The following KCTD8 variants were observed in gnomAD, a reference collection of about 807,000 sequenced individuals.
The protein encoded by KCTD8 is potassium channel tetramerization domain containing 8, also known as BTB/POZ domain-containing protein KCTD8.
KCTD8 carries 27 observed loss-of-function variants against 31.5 expected under a neutral mutation model. The ratio of observed to expected loss-of-function variants is 0.86; its 90% CI spans 0.63 to 1.18. KCTD8 has a LOEUF of 1.18. Among genes scored for constraint, KCTD8 ranks in the 50% most tolerant of loss-of-function variants. The pLI is 0.00. For missense variants in KCTD8, 658 were observed against 647.7 expected (o/e 1.02, Z -0.17); for synonymous variants, 290 against 280.0 (o/e 1.04, Z -0.36).
chr4:44,225,097 G>T lies in KCTD8; in HGVS notation c.962-49847C>A, dbSNP rs541351440. ...AGCATGACTCTTTGACGGGCAGTTA[G>T]TGGTCTCTACCAAACCTTTCATGGC... On this transcript the variant is annotated intron_variant, in intron 1 of 1. Transcript: ENST00000360029. Among the ~76,000 whole-genome samples, 5 of 152,312 alleles carry T rather than the reference G, an allele frequency of 3.3e-5. No individual in the cohort carries two copies. In the South Asian group the frequency reaches 1.0e-3, roughly 32 times the overall value.
intron 1 of KCTD8, among the ~76,000 whole-genome samples, chr4:44,420,438 G>A (rs1180937550): frequency 3.9e-5 from 6 of 152,104 alleles, no homozygotes; most frequent in Admixed American, 3.3e-4. Context: ...TAAAAGGCCA[G>A]ACAAAAAGTA....
At chr4:44,266,828 C>G (rs1477299705) in intron 1 of KCTD8, among the ~76,000 whole-genome samples, 2 of 152,068 alleles carry the variant, frequency 1.3e-5, no homozygotes, top group Non-Finnish European at 2.9e-5. Context: ...GGGATCAATT[C>G]AACAAGAAGA....
chr4:44,398,822 T>C (rs1236734743), intron 1 of KCTD8, among the ~76,000 whole-genome samples: 4 of 152,134 alleles, frequency 2.6e-5, no homozygotes, highest in African/African-American at 7.2e-5. Context: ...GCACTCTATT[T>C]GTGGAGGAAA....
chr4:44,412,818 T>A (rs1720993763), intron 1 of KCTD8, among the ~76,000 whole-genome samples: 1 of 152,196 alleles, frequency 6.6e-6, no homozygotes, highest in Non-Finnish European at 1.5e-5. Context: ...TATTGTCAAT[T>A]AAATTATTCA....
intron 1 of KCTD8, among the ~76,000 whole-genome samples, chr4:44,319,515 C>T (rs1317528925): frequency 1.3e-5 from 2 of 150,618 alleles, no homozygotes; most frequent in Non-Finnish European, 2.9e-5. Context: ...AGAAAAGAAG[C>T]TGGGATTACA....
chr4:44,332,306 G>C (rs1462933767), intron 1 of KCTD8, among the ~76,000 whole-genome samples: 1 of 151,878 alleles, frequency 6.6e-6, no homozygotes, highest in Non-Finnish European at 1.5e-5. Context: ...GACTGGATCT[G>C]CTCTGTTGGA....
intron 1 of KCTD8, among the ~76,000 whole-genome samples, chr4:44,202,263 C>G (rs111410942): frequency 6.6e-6 from 1 of 152,122 alleles, no homozygotes; most frequent in African/African-American, 2.4e-5. Flanking sequence ...ACACAGCTCC[C>G]ATTAAATCTA....
chr4:44,242,603 C>T (rs556949413), intron 1 of KCTD8, among the ~76,000 whole-genome samples: 2 of 148,650 alleles, frequency 1.3e-5, no homozygotes, highest in South Asian at 2.1e-4. Flanking sequence ...AACAAACAAA[C>T]AAAACAAAAA....
At chr4:44,270,985 A>G (rs988566319) in intron 1 of KCTD8, among the ~76,000 whole-genome samples, 1 of 152,070 alleles carries the variant, frequency 6.6e-6, no homozygotes, top group Non-Finnish European at 1.5e-5. Flanking sequence ...GTATCCTACA[A>G]GTTGACTACA....
chr4:44,404,974 A>T (rs1257788732), intron 1 of KCTD8, among the ~76,000 whole-genome samples: 2 of 152,158 alleles, frequency 1.3e-5, no homozygotes, highest in African/African-American at 4.8e-5. Context: ...TCTTTGGACA[A>T]AGCTACTTCA....
intron 1 of KCTD8, among the ~76,000 whole-genome samples, chr4:44,431,396 T>G (rs1721498784): frequency 6.6e-6 from 1 of 151,550 alleles, no homozygotes; most frequent in African/African-American, 2.4e-5. Flanking sequence ...AAGATCTTAC[T>G]TATTTTGTTT....
At chr4:44,313,211 T>C (rs1358682850) in intron 1 of KCTD8, among the ~76,000 whole-genome samples, 4 of 152,198 alleles carry the variant, frequency 2.6e-5, no homozygotes, top group Non-Finnish European at 5.9e-5. Context: ...GTGACACTTC[T>C]AGTGTTTTGC....
At chr4:44,425,620 A>C (rs945260672) in intron 1 of KCTD8, among the ~76,000 whole-genome samples, 1 of 152,048 alleles carries the variant, frequency 6.6e-6, no homozygotes, top group East Asian at 1.9e-4. Flanking sequence ...AGAATCAATG[A>C]ATAAAAAATA....
chr4:44,264,955 G>C (rs1387283528), intron 1 of KCTD8, among the ~76,000 whole-genome samples: 1 of 152,204 alleles, frequency 6.6e-6, no homozygotes, highest in Non-Finnish European at 1.5e-5. Context: ...CTCCACCTCT[G>C]GGGGCAGGGC....
chr4:44,307,073 G>T (rs1717826558), intron 1 of KCTD8, among the ~76,000 whole-genome samples: 1 of 151,902 alleles, frequency 6.6e-6, no homozygotes, highest in African/African-American at 2.4e-5. Flanking sequence ...CAGTAATTAA[G>T]AGTAATAAAG....
At chr4:44,231,035 T>C (rs1715104529) in intron 1 of KCTD8, among the ~76,000 whole-genome samples, 1 of 152,208 alleles carries the variant, frequency 6.6e-6, no homozygotes, top group Admixed American at 6.5e-5. Context: ...TGAGTTTGTT[T>C]AGTGTTCCTC....
At chr4:44,219,141 T>C (rs1714734966) in intron 1 of KCTD8, among the ~76,000 whole-genome samples, 1 of 152,252 alleles carries the variant, frequency 6.6e-6, no homozygotes. Context: ...TTTCTGATTT[T>C]ATTCCCAATC....
chr4:44,183,039 A>T (rs1713474951), intron 1 of KCTD8, among the ~76,000 whole-genome samples: 1 of 152,218 alleles, frequency 6.6e-6, no homozygotes, highest in Non-Finnish European at 1.5e-5. Context: ...GTTCACTTGA[A>T]TACTGAGAGT....
chr4:44,276,144 G>C lies in KCTD8; in HGVS notation c.962-100894C>G, dbSNP rs139351559. On this transcript the variant is annotated intron_variant, in intron 1 of 1. Coordinates refer to ENST00000360029, the MANE Select transcript of KCTD8 (RefSeq NM_198353.3). ...CATTGTCTGCAGACAATCTAAAACA[G>C]TAAGAAAACCATATAAAAGTTGGTC... 9.9e-5 allele frequency among the ~76,000 whole-genome samples: 15 copies of C among 151,988 alleles called. No individual in the cohort carries two copies. In the East Asian group the frequency reaches 2.7e-3, roughly 28 times the overall value.
Sources: allele counts gnomAD v4.1 joint callset (sites outside exome capture counted in the v4.1 genomes callset), GRCh38; gene constraint gnomAD v4.1.1; transcripts MANE v1.5; gene names NCBI Gene and HGNC (gene_info 2026-07-23, HGNC 2026-07-21).